ESR1: variants seen among roughly 807,000 people sequenced by gnomAD.
ESR1 encodes the protein estrogen receptor.
Under a neutral mutation model 52.7 loss-of-function variants are expected in ESR1, and 12 were observed. That is an observed-to-expected ratio of 0.23 (90% CI 0.15 to 0.37). The LOEUF is 0.37. Ranked by LOEUF, ESR1 falls within the 10% of genes least tolerant of loss-of-function variation. The probability of loss-of-function intolerance (pLI) is 1.00; values close to 1 mark genes in which losing one functional copy is unlikely to be tolerated. For missense variants in ESR1, 584 were observed against 779.7 expected (o/e 0.75, Z 2.99); for synonymous variants, 305 against 316.8 (o/e 0.96, Z 0.39).
intron 4 of ESR1, among the ~76,000 whole-genome samples, chr6:151,987,038 T>A (rs1440773423): frequency 6.6e-6 from 1 of 152,074 alleles, no homozygotes; most frequent in Non-Finnish European, 1.5e-5. Flanking sequence ...AGGGAAGGAT[T>A]CCTACTCTGA....
intron 2 of ESR1, among the ~76,000 whole-genome samples, chr6:151,771,671 T>C (rs1785530911): frequency 6.6e-6 from 1 of 152,246 alleles, no homozygotes; most frequent in Non-Finnish European, 1.5e-5. Flanking sequence ...ATATGTATCA[T>C]TTAAATATAT....
At chr6:151,865,257 A>G (rs371142582) in intron 2 of ESR1, among the ~76,000 whole-genome samples, 7 of 152,168 alleles carry the variant, frequency 4.6e-5, no homozygotes, top group Admixed American at 4.6e-4. Context: ...TTCTCATCGA[A>G]TAATGTGTAT....
At chr6:151,675,226 G>A (rs537582263) in intron 1 of ESR1, among the ~76,000 whole-genome samples, 7 of 152,096 alleles carry the variant, frequency 4.6e-5, no homozygotes, top group South Asian at 4.1e-4. Flanking sequence ...TACTAATTAC[G>A]TGCGTATTCA....
chr6:151,756,634 G>A (rs1038494424), intron 2 of ESR1, among the ~76,000 whole-genome samples: 81 of 152,304 alleles, frequency 5.3e-4, no homozygotes, highest in Admixed American at 5.2e-3. Context: ...CGTACTGGCC[G>A]GTAGGTACTG....
intron 1 of ESR1, among the ~76,000 whole-genome samples, chr6:151,691,496 G>T (rs1179537830): frequency 6.6e-6 from 1 of 152,202 alleles, no homozygotes; most frequent in Middle Eastern, 3.2e-3. Flanking sequence ...GAGCCAACAT[G>T]ATTAAAAGAT....
chr6:152,081,704 A>T (rs1206562959), intron 6 of ESR1, among the ~76,000 whole-genome samples: 1 of 152,024 alleles, frequency 6.6e-6, no homozygotes. Context: ...TTTTGAAAAG[A>T]TCAACAAAAT....
Position 151,824,932 on chromosome 6 carries a change from G to A in ESR1, c.452+16568G>A, listed in dbSNP as rs13195944. Among the ~76,000 whole-genome samples, 260 of 148,714 alleles carry A rather than the reference G, an allele frequency of 1.7e-3. 1 individual carries two copies. Among genetic ancestry groups the A allele is most frequent in the African/African-American group, 6.3e-3 (254 of 40,376 alleles). On this transcript the variant is annotated intron_variant, in intron 1 of 7. Transcript: ENST00000206249. ...CGAGACTCCATCTCAAAAAAAAAAA[G>A]AAAAAAAAGAGTTCTTGCTTTCAAA...
At chr6:151,666,980 A>C (rs1562318198) in intron 1 of ESR1, among the ~76,000 whole-genome samples, 1 of 152,150 alleles carries the variant, frequency 6.6e-6, no homozygotes, top group Non-Finnish European at 1.5e-5. Context: ...AGAGGTGGGG[A>C]AAATGGAAGG....
intron 4 of ESR1, among the ~76,000 whole-genome samples, chr6:152,000,632 A>G (rs1021448298): frequency 6.6e-6 from 1 of 152,012 alleles, no homozygotes; most frequent in Non-Finnish European, 1.5e-5. Context: ...TGGAATAACA[A>G]CGGTCTATGT....
intron 3 of ESR1, among the ~76,000 whole-genome samples, chr6:151,899,852 A>T (rs1297860955): frequency 6.6e-6 from 1 of 150,776 alleles, no homozygotes; most frequent in East Asian, 2.0e-4. Flanking sequence ...GGCCGGGAAG[A>T]GGCGCTCCTC....
In ESR1 at chr6:152,009,028, G is replaced by A. The variant is rs554187820; in HGVS notation, c.1097-2628G>A. ...CTGCTGCATCCGGAGATGTTTCCTT[G>A]AGAGCAAGACTAGTTCCTTTTGACC... On this transcript the variant is annotated intron_variant, in intron 4 of 7. Coordinates refer to ENST00000206249, the MANE Select transcript of ESR1 (RefSeq NM_000125.4). 1.4e-4 allele frequency among the ~76,000 whole-genome samples: 22 copies of A among 152,180 alleles called. No homozygotes were observed. The East Asian group carries it at 3.9e-3, about 27-fold the overall frequency.
chr6:151,868,654 G>T (rs9479135), intron 2 of ESR1, among the ~76,000 whole-genome samples: 8,591 of 152,146 alleles, frequency 0.056, 489 homozygotes, highest in East Asian at 0.18. Flanking sequence ...CTTTTTTATG[G>T]CTGTGTAGTA....
chr6:151,703,850 T>C (rs851982), intron 2 of ESR1, among the ~76,000 whole-genome samples: 50,208 of 152,002 alleles, frequency 0.33, 8,955 homozygotes, highest in Non-Finnish European at 0.4. Context: ...ATCCAAAACT[T>C]TGATTCCAGA....
intron 1 of ESR1, among the ~76,000 whole-genome samples, chr6:151,676,568 A>C (rs1179134736): frequency 2.0e-5 from 3 of 152,186 alleles, no homozygotes; most frequent in Admixed American, 1.3e-4. Context: ...TACGCTTGAA[A>C]TATCATGCTC....
chr6:151,758,493 G>A (rs1257238312), intron 2 of ESR1, among the ~76,000 whole-genome samples: 1 of 152,172 alleles, frequency 6.6e-6, no homozygotes, highest in African/African-American at 2.4e-5. Flanking sequence ...AGGGATGGTG[G>A]CTCATGCCTG....
intron 2 of ESR1, among the ~76,000 whole-genome samples, chr6:151,788,644 C>T (rs765586725): frequency 1.8e-4 from 28 of 152,142 alleles, no homozygotes; most frequent in Non-Finnish European, 3.5e-4. Flanking sequence ...CATAACGACA[C>T]ATACATGCAT....
chr6:151,662,520 T>TCAGC (rs1356911695), intron 1 of ESR1, among the ~76,000 whole-genome samples: 2 of 152,158 alleles, frequency 1.3e-5, no homozygotes, highest in Non-Finnish European at 2.9e-5. Context: ...TGGGACCAGC[T>TCAGC]CAGCGTCTGT....
chr6:151,748,410 G>A lies in ESR1; in HGVS notation c.-71+46405G>A, dbSNP rs1354102277. Among the ~76,000 whole-genome samples, 4 of 152,246 alleles carry A rather than the reference G, an allele frequency of 2.6e-5. No individual in the cohort carries two copies. In the East Asian group the frequency reaches 7.7e-4, roughly 29 times the overall value. On this transcript the variant is annotated intron_variant, in intron 2 of 2. Coordinates refer to the ESR1 transcript ENST00000404742. ...ACCTAAGAGCAATTGCTATAGAACA[G>A]GTTGACCTGCCTCATTCTTTTTACT...
At chr6:151,957,021 T>G (rs1339657227) in intron 4 of ESR1, among the ~76,000 whole-genome samples, 1 of 143,422 alleles carries the variant, frequency 7.0e-6, no homozygotes, top group African/African-American at 2.5e-5. Flanking sequence ...GGACTACAGG[T>G]GCCCGCCACC....
Sources: allele counts gnomAD v4.1 joint callset (sites outside exome capture counted in the v4.1 genomes callset), GRCh38; gene constraint gnomAD v4.1.1; transcripts MANE v1.5; gene names NCBI Gene and HGNC (gene_info 2026-07-23, HGNC 2026-07-21).